Variants in POU6F2 observed in about 807,000 individuals in gnomAD.
POU6F2 encodes POU class 6 homeobox 2, also known as POU domain, class 6, transcription factor 2.
In POU6F2, 31 loss-of-function variants were observed where a neutral mutation model predicts 71.3. The observed-to-expected ratio is 0.43, with a 90% CI of 0.33 to 0.59. The LOEUF (loss-of-function observed/expected upper bound fraction) is 0.59, where lower values mean the gene tolerates loss of function less well. POU6F2 is among the 20% of genes least tolerant of loss of function. The pLI is 0.04. For missense variants in POU6F2, 783 were observed against 856.8 expected (o/e 0.91, Z 1.07); for synonymous variants, 347 against 355.7 (o/e 0.98, Z 0.27).
At chr7:39,260,044 C>T (rs1784101723) in intron 4 of POU6F2, among the ~76,000 whole-genome samples, 2 of 150,128 alleles carry the variant, frequency 1.3e-5, no homozygotes, top group African/African-American at 2.5e-5. Context: ...TACAATACCA[C>T]GTACACACTA....
At chr7:39,406,517 A>T in intron 5 of POU6F2, 83 bp from the exon 6 acceptor site, 2 of 1,493,916 alleles carry the variant, frequency 1.3e-6, no homozygotes, top group Admixed American at 3.9e-5. Flanking sequence ...GGCGAGAACT[A>T]CCTCCCCAGA....
intron 2 of POU6F2, among the ~76,000 whole-genome samples, chr7:39,157,926 T>A (rs1408232634): frequency 2.0e-5 from 3 of 152,126 alleles, no homozygotes; most frequent in Non-Finnish European, 2.9e-5. Flanking sequence ...AGCCGAAATA[T>A]CTCCTTGGAG....
At chr7:39,340,963 C>T (rs958225662) in intron 5 of POU6F2, among the ~76,000 whole-genome samples, 1 of 152,126 alleles carries the variant, frequency 6.6e-6, no homozygotes, top group African/African-American at 2.4e-5. Flanking sequence ...ATTTGTAGTA[C>T]TGTGACAAAG....
At chr7:39,444,896 T>C (rs1196789363) in intron 7 of POU6F2, among the ~76,000 whole-genome samples, 3 of 152,154 alleles carry the variant, frequency 2.0e-5, no homozygotes, top group Non-Finnish European at 4.4e-5. Flanking sequence ...ACAGGACTTT[T>C]CAGTATCATT....
chr7:39,051,699 A>G (rs1790403754), intron 1 of POU6F2, among the ~76,000 whole-genome samples: 1 of 152,156 alleles, frequency 6.6e-6, no homozygotes, highest in Admixed American at 6.6e-5. Context: ...CCTCTCCTGA[A>G]AAAGATAGAT....
chr7:39,262,786 T>C (rs1456255203), intron 4 of POU6F2, among the ~76,000 whole-genome samples: 1 of 152,176 alleles, frequency 6.6e-6, no homozygotes, highest in Non-Finnish European at 1.5e-5. Flanking sequence ...GGAGTCGGAC[T>C]TTTTTTAAAA....
chr7:39,251,134 C>G (rs1319802820), intron 4 of POU6F2, among the ~76,000 whole-genome samples: 1 of 152,190 alleles, frequency 6.6e-6, no homozygotes, highest in Non-Finnish European at 1.5e-5. Context: ...TAAGTGGTCC[C>G]ACATTCATCT....
intron 1 of POU6F2, chr7:39,006,645 C>G (rs1789080187): frequency 5.3e-6 from 3 of 568,956 alleles, no homozygotes; most frequent in Non-Finnish European, 9.4e-6. Context: ...GAGTCAGAAC[C>G]TAGTTGTTTA....
chr7:39,083,564 G>T (rs1791171689), intron 1 of POU6F2: 1 of 143,032 alleles, frequency 7.0e-6, no homozygotes, highest in Non-Finnish European at 1.5e-5. Flanking sequence ...TTAGGAAAGA[G>T]ATCCAGAGAA....
At chr7:39,445,203 G>T (rs752782904) in intron 7 of POU6F2, among the ~76,000 whole-genome samples, 12 of 152,094 alleles carry the variant, frequency 7.9e-5, no homozygotes, top group Admixed American at 1.3e-4. Context: ...TTCCTTCCTA[G>T]CCCTGGCCTG....
chr7:39,082,794 GCACA>G (rs35710081), intron 1 of POU6F2, among the ~76,000 whole-genome samples: 2,436 of 137,146 alleles, frequency 0.018, 17 homozygotes, highest in African/African-American at 0.03. Flanking sequence ...ACCATGTCAT[GCACA>G]CACACACACA....
intron 4 of POU6F2, among the ~76,000 whole-genome samples, chr7:39,223,969 T>TA (rs745846648): frequency 3.3e-5 from 5 of 152,196 alleles, no homozygotes; most frequent in Admixed American, 6.5e-5. Context: ...ATTTTGTGTT[T>TA]AGAGTTTTCA....
At chr7:39,441,461 C>CA (rs1416421853) in intron 7 of POU6F2, among the ~76,000 whole-genome samples, 2 of 151,644 alleles carry the variant, frequency 1.3e-5, no homozygotes, top group African/African-American at 4.8e-5. Flanking sequence ...GAAAAAAAAT[C>CA]AGAAAAAAAT....
chr7:39,283,557 G>T (rs954545173), intron 4 of POU6F2, among the ~76,000 whole-genome samples: 7 of 151,992 alleles, frequency 4.6e-5, no homozygotes, highest in Admixed American at 3.3e-4. Context: ...ATTTCATTAG[G>T]GTACTGTCTT....
intron 4 of POU6F2, among the ~76,000 whole-genome samples, chr7:39,331,413 T>G (rs1470561177): frequency 2.0e-5 from 3 of 152,244 alleles, no homozygotes; most frequent in Non-Finnish European, 4.4e-5. Flanking sequence ...GTGTTCCCTC[T>G]TCACGTCCTC....
intron 4 of POU6F2, among the ~76,000 whole-genome samples, chr7:39,244,603 A>T (rs1311569685): frequency 6.6e-6 from 1 of 152,200 alleles, no homozygotes; most frequent in African/African-American, 2.4e-5. Flanking sequence ...AAGAAATTCC[A>T]TCAACTAATC....
At chr7:38,998,878 AT>A (rs1163895395) in intron 1 of POU6F2, among the ~76,000 whole-genome samples, 2 of 140,268 alleles carry the variant, frequency 1.4e-5, no homozygotes, top group African/African-American at 5.5e-5. Context: ...GTTAGCGAGG[AT>A]GGTCTCGATC....
chr7:39,345,448 A>C (rs1229165847), intron 5 of POU6F2, among the ~76,000 whole-genome samples: 1 of 152,226 alleles, frequency 6.6e-6, no homozygotes, highest in Admixed American at 6.5e-5. Context: ...CAGTAGAAAA[A>C]CAAATGCATG....
chr7:39,102,216 C>A (rs550493817), intron 2 of POU6F2, among the ~76,000 whole-genome samples: 1 of 152,276 alleles, frequency 6.6e-6, no homozygotes, highest in East Asian at 1.9e-4. Flanking sequence ...TTAATTTATT[C>A]AAAAATTAAC....
Sources: gnomAD v4.1 joint callset for allele counts (sites outside exome capture counted in the v4.1 genomes callset) on GRCh38, gnomAD v4.1.1 for gene constraint, MANE v1.5 for transcripts, NCBI Gene and HGNC (gene_info 2026-07-23, HGNC 2026-07-21) for gene names.